The following CNTNAP2 variants were observed in gnomAD, a reference collection of about 807,000 sequenced individuals.
The protein encoded by CNTNAP2 is contactin associated protein 2.
In CNTNAP2, 98 loss-of-function variants were observed where a neutral mutation model predicts 155.2. The ratio of observed to expected loss-of-function variants is 0.63; its 90% CI spans 0.54 to 0.75. The LOEUF is 0.75. Ranked by LOEUF, CNTNAP2 falls within the 30% of genes least tolerant of loss-of-function variation. CNTNAP2 has a pLI of 0.00. For synonymous variants in CNTNAP2, 651 were observed against 631.2 expected (o/e 1.03, Z -0.47); for missense variants, 1,727 against 1,688.1 (o/e 1.02, Z -0.40).
chr7:147,711,858 T>C (rs1177322043), intron 13 of CNTNAP2, among the ~76,000 whole-genome samples: 1 of 152,228 alleles, frequency 6.6e-6, no homozygotes, highest in Non-Finnish European at 1.5e-5. Flanking sequence ...CCCTGTATGC[T>C]GGGGACACTA....
At chr7:147,694,563 G>A (rs1478062777) in intron 13 of CNTNAP2, among the ~76,000 whole-genome samples, 1 of 152,080 alleles carries the variant, frequency 6.6e-6, no homozygotes, top group East Asian at 1.9e-4. Context: ...ATTCTCATGT[G>A]AGTTTTTCAA....
At chr7:147,875,525 A>C (rs1459116799) in intron 13 of CNTNAP2, among the ~76,000 whole-genome samples, 1 of 152,158 alleles carries the variant, frequency 6.6e-6, no homozygotes, top group East Asian at 1.9e-4. Flanking sequence ...ATTTGGGTGG[A>C]GATAGAGCCA....
intron 22 of CNTNAP2, among the ~76,000 whole-genome samples, chr7:148,389,225 T>TTGAATTC (rs1355070673): frequency 3.3e-5 from 5 of 152,230 alleles, no homozygotes; most frequent in Non-Finnish European, 1.5e-5. Context: ...AAATCTCATC[T>TTGAATTC]TGAATTCCCA....
chr7:147,132,868 C>T (rs1005392742), intron 8 of CNTNAP2, among the ~76,000 whole-genome samples: 5 of 152,062 alleles, frequency 3.3e-5, no homozygotes, highest in Non-Finnish European at 5.9e-5. Context: ...TATCTTTTCT[C>T]TTTATCAACA....
chr7:146,408,628 TG>T (rs146615290), intron 1 of CNTNAP2, among the ~76,000 whole-genome samples: 34,486 of 89,400 alleles, frequency 0.39, 4,392 homozygotes, highest in Admixed American at 0.53. Context: ...TGTCATGGGG[TG>T]GGGGGAGGGG....
At chr7:147,524,270 A>G (rs1022481835) in intron 11 of CNTNAP2, among the ~76,000 whole-genome samples, 1 of 152,160 alleles carries the variant, frequency 6.6e-6, no homozygotes, top group Non-Finnish European at 1.5e-5. Context: ...CCTGCCTGTA[A>G]TCCCAGCTAC....
intron 8 of CNTNAP2, among the ~76,000 whole-genome samples, chr7:147,265,638 C>T (rs754349010): frequency 4.6e-5 from 7 of 152,212 alleles, no homozygotes; most frequent in Non-Finnish European, 8.8e-5. Flanking sequence ...GCACAGCACA[C>T]TCCCTCCACC....
intron 19 of CNTNAP2, among the ~76,000 whole-genome samples, chr7:148,223,545 C>T (rs1795789914): frequency 6.6e-6 from 1 of 152,192 alleles, no homozygotes; most frequent in African/African-American, 2.4e-5. Flanking sequence ...AGCACCTCAG[C>T]ATTTGAATAA....
At position 146,721,889 on chromosome 7, in the gene CNTNAP2, A is replaced by ATATATATTTTTTT; in HGVS notation, c.98-52381_98-52380insATATATTTTTTTT. On this transcript the variant is annotated intron_variant, in intron 1 of 23. Transcript: ENST00000361727. ...TGTGTGTGTGTGTATATATATATAT[A>ATATATATTTTTTT]TTTTTTTTTTTTTTTTTGAGATGGA... Among the ~76,000 whole-genome samples the ATATATATTTTTTT allele has an allele frequency of 1.0e-4, 7 of 69,702 alleles. No individual in the cohort carries two copies. In the African/African-American group the frequency reaches 1.3e-3, roughly 13 times the overall value. The allele number at this position is 69,702 out of a possible 152,430, so 45.7% of individuals were successfully genotyped here.
At chr7:148,404,266 T>G (rs1799650713) in intron 22 of CNTNAP2, among the ~76,000 whole-genome samples, 2 of 152,238 alleles carry the variant, frequency 1.3e-5, no homozygotes, top group Non-Finnish European at 2.9e-5. Flanking sequence ...AGGATGACTG[T>G]CATGTAAGAA....
intron 10 of CNTNAP2, among the ~76,000 whole-genome samples, chr7:147,464,557 A>G (rs1441062705): frequency 2.6e-5 from 4 of 151,596 alleles, no homozygotes; most frequent in Non-Finnish European, 5.9e-5. Context: ...CACTCTTAAT[A>G]TCATGGAATT....
chr7:146,620,990 T>C (rs909635021), intron 1 of CNTNAP2, among the ~76,000 whole-genome samples: 1 of 152,240 alleles, frequency 6.6e-6, no homozygotes, highest in African/African-American at 2.4e-5. Flanking sequence ...TATCATCTTA[T>C]GGTTTTCTTT....
intron 3 of CNTNAP2, among the ~76,000 whole-genome samples, chr7:147,018,945 A>G (rs1464354496): frequency 6.6e-6 from 1 of 152,078 alleles, no homozygotes; most frequent in Non-Finnish European, 1.5e-5. Context: ...ATTACCAGTG[A>G]AGATTAGCTG....
At chr7:147,306,653 T>A (rs1795032995) in intron 9 of CNTNAP2, among the ~76,000 whole-genome samples, 1 of 152,204 alleles carries the variant, frequency 6.6e-6, no homozygotes, top group Non-Finnish European at 1.5e-5. Flanking sequence ...TACATTTGGG[T>A]CCTTACACAT....
intron 16 of CNTNAP2, among the ~76,000 whole-genome samples, chr7:148,142,469 A>G (rs1385949328): frequency 6.6e-6 from 1 of 152,150 alleles, no homozygotes; most frequent in African/African-American, 2.4e-5. Flanking sequence ...CTGTTCTACC[A>G]ATTACCAGTT....
chr7:147,734,863 TC>T (rs1796812850), intron 13 of CNTNAP2, among the ~76,000 whole-genome samples: 1 of 152,194 alleles, frequency 6.6e-6, no homozygotes, highest in South Asian at 2.1e-4. Context: ...AGTGGTGATA[TC>T]CCCTTTATCA....
At chr7:147,984,564 T>C (rs1303273353) in intron 15 of CNTNAP2, among the ~76,000 whole-genome samples, 1 of 152,118 alleles carries the variant, frequency 6.6e-6, no homozygotes, top group Admixed American at 6.5e-5. Context: ...AAATCTCTTA[T>C]GCTCTCGGGG....
intron 18 of CNTNAP2, 102 bp downstream of exon 18, chr7:148,172,580 A>C: frequency 1.9e-6 from 2 of 1,048,440 alleles, no homozygotes; most frequent in Admixed American, 1.7e-5. Context: ...CCTTATTCTG[A>C]GGTTAAGATG....
At chr7:147,097,179 G>A (rs1176244064) in intron 4 of CNTNAP2, among the ~76,000 whole-genome samples, 1 of 152,136 alleles carries the variant, frequency 6.6e-6, no homozygotes, top group Non-Finnish European at 1.5e-5. Flanking sequence ...AAATAAAAAT[G>A]ACATTTTTTC....
Sources: gnomAD v4.1 joint callset for allele counts (sites outside exome capture counted in the v4.1 genomes callset) on GRCh38, gnomAD v4.1.1 for gene constraint, MANE v1.5 for transcripts, NCBI Gene and HGNC (gene_info 2026-07-23, HGNC 2026-07-21) for gene names.